The following RAB11FIP3 variants were observed in gnomAD, a reference collection of about 807,000 sequenced individuals.
RAB11FIP3 encodes RAB11 family interacting protein 3.
A neutral mutation model predicts 77.8 loss-of-function variants in RAB11FIP3; 17 were observed. The ratio of observed to expected loss-of-function variants is 0.22; its 90% CI spans 0.15 to 0.33. The LOEUF (loss-of-function observed/expected upper bound fraction) is 0.33. RAB11FIP3 is among the 10% of genes least tolerant of loss of function. The pLI is 1.00. For missense variants in RAB11FIP3, 1,005 were observed against 1,011.2 expected, an observed-to-expected ratio of 0.99 and a Z score of 0.08; for synonymous variants, 437 against 448.2, an observed-to-expected ratio of 0.98 and a Z score of 0.31.
rs2031865470 is a variant in RAB11FIP3, at chr16:506,161, A to G, written c.1499+534A>G. 1.3e-5 allele frequency among the ~76,000 whole-genome samples: 2 copies of G among 151,840 alleles called. No homozygotes were observed. The highest frequency in any genetic ancestry group is 4.2e-4 in the South Asian group (2 of 4,810). ...AGTGTGACGCCGTGTTTGCAGAGAA[A>G]GAGTGGGAGCTGCTTGCCTCACTCT... On this transcript the variant is annotated intron_variant, in intron 8 of 13. Coordinates refer to ENST00000262305, the MANE Select transcript of RAB11FIP3 (RefSeq NM_014700.4). This position sits in a 1 kb window ranked among gnomAD's most constrained non-coding sequence, Gnocchi z 4.5.
At chr16:479,337 A>G (rs1411637618) in intron 3 of RAB11FIP3, among the ~76,000 whole-genome samples, 1 of 152,006 alleles carries the variant, frequency 6.6e-6, no homozygotes, top group Non-Finnish European at 1.5e-5. Context: ...AGCTGCAGTG[A>G]GCCAAGACCG....
rs1338004049 is a variant in RAB11FIP3 at position 497,104 on chromosome 16, TTG to T, written c.1301+251_1301+252del. 3 of 556,580 alleles carry T rather than the reference TTG, an allele frequency of 5.4e-6. No individual in the cohort carries two copies. The African/African-American group carries it at 5.9e-5, about 11-fold the overall frequency. The allele number at this position is 556,580 out of a possible 1,614,324, so 34.5% of individuals were successfully genotyped here. A position where few individuals can be genotyped will look rare whatever the true frequency, so the allele number is the denominator to read the frequency against. ...GTCAGAGCTTTTGGTGCTGGGCCTC[TTG>T]TGTGTTCACTAAGGTCTGGAAGGGG... On this transcript the variant is annotated intron_variant, in intron 6 of 13. Coordinates refer to ENST00000262305, the MANE Select transcript of RAB11FIP3 (RefSeq NM_014700.4).
In RAB11FIP3 at chr16:514,581, T is replaced by G. The variant is rs192283086; in HGVS notation, c.1640+3781T>G. Among the ~76,000 whole-genome samples, 1 of 152,152 alleles carries G rather than the reference T, an allele frequency of 6.6e-6. No individual in the cohort carries two copies. The highest frequency in any genetic ancestry group is 1.9e-4 in the East Asian group (1 of 5,164). On this transcript the variant is annotated intron_variant, in intron 9 of 13. Coordinates refer to ENST00000262305, the MANE Select transcript of RAB11FIP3 (RefSeq NM_014700.4). The surrounding 1 kb of genome is among the most constrained non-coding windows in gnomAD (Gnocchi z 4.6). Reference sequence around the variant, plus strand: ...AGGCTGGAGCTTTGGACATCCTTGTTTAGGGACCGGGAAAGGAGAATATGT... The same window carrying G: ...AGGCTGGAGCTTTGGACATCCTTGTGTAGGGACCGGGAAAGGAGAATATGT...
chr16:514,903 G>T lies in RAB11FIP3; in HGVS notation c.1641-4040G>T, dbSNP rs1275015779. Among the ~76,000 whole-genome samples, 1 of 152,236 alleles carries T rather than the reference G, an allele frequency of 6.6e-6. No homozygotes were observed. The highest frequency in any genetic ancestry group is 1.5e-5 in the Non-Finnish European group (1 of 68,042). ...GCACAGAGTGAACTGGGTGAACGTGGCCCTGGTGTGTGGTGCTTTCTAGCA... is the reference window on the plus strand; with the variant it reads ...GCACAGAGTGAACTGGGTGAACGTGTCCCTGGTGTGTGGTGCTTTCTAGCA... On this transcript the variant is annotated intron_variant, in intron 9 of 13. Coordinates refer to ENST00000262305, the MANE Select transcript of RAB11FIP3 (RefSeq NM_014700.4). This position sits in a 1 kb window ranked among gnomAD's most constrained non-coding sequence, Gnocchi z 4.6.
chr16:518,007 G>A (rs553820314), intron 9 of RAB11FIP3, among the ~76,000 whole-genome samples: 23 of 152,236 alleles, frequency 1.5e-4, no homozygotes, highest in African/African-American at 4.6e-4. Flanking sequence ...GCGTGAACCC[G>A]GAAGGCGAAG....
chr16:495,537 C>G (rs758295856), intron 5 of RAB11FIP3, among the ~76,000 whole-genome samples: 28 of 152,160 alleles, frequency 1.8e-4, no homozygotes, highest in Non-Finnish European at 3.2e-4. Flanking sequence ...CTGCAGGTGT[C>G]GGAGGGCCCT....
rs2055602737 is a variant in RAB11FIP3 at position 461,401 on chromosome 16, C to T, written c.715-3C>T. On this transcript the variant is annotated splice_region_variant and splice_polypyrimidine_tract_variant and intron_variant, in intron 1 of 13. Coordinates refer to ENST00000262305, the MANE Select transcript of RAB11FIP3 (RefSeq NM_014700.4). This position sits in a 1 kb window ranked among gnomAD's most constrained non-coding sequence, Gnocchi z 4.5. ...GTAACCTAGTCTCATTTGGCAATTA[C>T]AGGTGAAGGACTTAACTAAGTACTT... is the stretch of plus-strand genomic sequence containing the variant. 6.2e-7 allele frequency: 1 copy of T among 1,612,582 alleles called. No homozygotes were observed. The highest frequency in any genetic ancestry group is 1.1e-5 in the South Asian group (1 of 90,904).
At chr16:494,217 C>A (rs1395073595) in intron 5 of RAB11FIP3, among the ~76,000 whole-genome samples, 1 of 150,894 alleles carries the variant, frequency 6.6e-6, no homozygotes, top group African/African-American at 2.4e-5. Flanking sequence ...AATTATAAAT[C>A]CTGTTGCTGG....
rs542767839 is a variant in RAB11FIP3, at chr16:482,473, G to A, written c.904-52G>A. Reference sequence around the variant, plus strand: ...TGCAGCAGTGAGGTGTGGGGCGTTCGCAGTTCCCCTCCCAGCTTGTGCCCG... The same window carrying A: ...TGCAGCAGTGAGGTGTGGGGCGTTCACAGTTCCCCTCCCAGCTTGTGCCCG... On this transcript the variant is annotated intron_variant, in intron 3 of 13. Coordinates refer to ENST00000262305, the MANE Select transcript of RAB11FIP3 (RefSeq NM_014700.4). 71 of 1,560,122 alleles carry A rather than the reference G, an allele frequency of 4.6e-5. No homozygotes were observed. In the East Asian group the frequency reaches 1.3e-3, roughly 29 times the overall value.
intron 1 of RAB11FIP3, among the ~76,000 whole-genome samples, chr16:427,058 G>C (rs866902034): frequency 3.9e-4 from 59 of 151,958 alleles, no homozygotes; most frequent in African/African-American, 1.4e-3. Flanking sequence ...GTGCCTGATC[G>C]ACGTGCCCCT....
Position 521,866 on chromosome 16 carries a change from G to A in RAB11FIP3, c.*1027G>A, listed in dbSNP as rs1026235621. ...GAGGGTGCATGTTGCAGGAGGGAGA[G>A]GGCAGGGAAGACTCACAGCAGAGCA... On this transcript the variant is annotated 3_prime_UTR_variant, in exon 14 of 14. Transcript: ENST00000262305. The A allele has an allele frequency of 2.6e-5, 4 of 152,270 alleles. No individual in the cohort carries two copies. Among genetic ancestry groups the A allele is most frequent in the African/African-American group, 9.7e-5 (4 of 41,428 alleles). The allele number at this position is 152,270 out of a possible 1,614,324, so 9.4% of individuals were successfully genotyped here.
chr16:495,188 A>T (rs2031008386), intron 5 of RAB11FIP3, among the ~76,000 whole-genome samples: 1 of 152,240 alleles, frequency 6.6e-6, no homozygotes, highest in African/African-American at 2.4e-5. Flanking sequence ...AGGCTATGGG[A>T]GTAATGAGGC....
At chr16:491,160 A>G (rs1244309441) in intron 5 of RAB11FIP3, 2 of 1,303,590 alleles carry the variant, frequency 1.5e-6, no homozygotes, top group Non-Finnish European at 2.0e-6. Context: ...GCAAAGCTGC[A>G]CAGCATCCTC....
chr16:431,627 A>G (rs180954707), intron 1 of RAB11FIP3, among the ~76,000 whole-genome samples: 2 of 152,150 alleles, frequency 1.3e-5, no homozygotes, highest in East Asian at 1.9e-4. Flanking sequence ...CACCTGCCTC[A>G]GCCTCCCAAA....
In RAB11FIP3 at chr16:430,514, A is replaced by G. The variant is rs367906953; in HGVS notation, c.714+3794A>G. 1.3e-4 allele frequency among the ~76,000 whole-genome samples: 20 copies of G among 152,176 alleles called. 1 individual carries two copies. The East Asian group carries it at 3.9e-3, about 29-fold the overall frequency. On this transcript the variant is annotated intron_variant, in intron 1 of 13. Transcript: ENST00000262305. ...ACGTTTTTTTATTCCTGCACCGCTA[A>G]TGGTGGCAGTAGGAAGTTCCTAGGG...
rs2032703119 is a variant in RAB11FIP3, at chr16:521,789, G to C, written c.*950G>C. On this transcript the variant is annotated 3_prime_UTR_variant, in exon 14 of 14. Coordinates refer to ENST00000262305, the MANE Select transcript of RAB11FIP3 (RefSeq NM_014700.4). The stretch of plus-strand genomic sequence containing the variant: ...TCCCAGGCCAGAATCCAAACATCGG[G>C]AACCCTGTTTTCTTCTGGGTGTGTC... The C allele has an allele frequency of 6.6e-6, 1 of 152,296 alleles. No homozygotes were observed. Among genetic ancestry groups the C allele is most frequent in the African/African-American group, 2.4e-5 (1 of 41,460 alleles). 9.4% of individuals were successfully genotyped at this position (152,296 alleles called of 1,614,324 possible).
intron 4 of RAB11FIP3, among the ~76,000 whole-genome samples, chr16:484,123 C>G (rs1219137979): frequency 6.6e-6 from 1 of 152,138 alleles, no homozygotes; most frequent in Admixed American, 6.6e-5. Context: ...CATAATATAC[C>G]CACAAGTAAG....
rs2055824789 is a variant in RAB11FIP3, at chr16:472,348, T to G, written c.903+959T>G. 6.6e-6 allele frequency among the ~76,000 whole-genome samples: 1 copy of G among 152,228 alleles called. No individual in the cohort carries two copies. The highest frequency in any genetic ancestry group is 1.5e-5 in the Non-Finnish European group (1 of 68,026). ...GCGGTGTCCCAGTTATCAGCTGGGCTGCAGCTTCTGGGGCCAGGGCGCCCA... is the reference window on the plus strand; with the variant it reads ...GCGGTGTCCCAGTTATCAGCTGGGCGGCAGCTTCTGGGGCCAGGGCGCCCA... On this transcript the variant is annotated intron_variant, in intron 3 of 13. Coordinates refer to ENST00000262305, the MANE Select transcript of RAB11FIP3 (RefSeq NM_014700.4). The surrounding 1 kb of genome is among the most constrained non-coding windows in gnomAD (Gnocchi z 4.1).
At chr16:427,092 C>T (rs973339170) in intron 1 of RAB11FIP3, among the ~76,000 whole-genome samples, 11 of 152,128 alleles carry the variant, frequency 7.2e-5, no homozygotes, top group Non-Finnish European at 4.4e-5. Context: ...CCCCGCGATT[C>T]CCCCACCCGA....
Sources: allele counts gnomAD v4.1 joint callset (sites outside exome capture counted in the v4.1 genomes callset), GRCh38; gene constraint gnomAD v4.1.1; non-coding constraint Gnocchi (gnomAD v3.1); transcripts MANE v1.5; gene names NCBI Gene and HGNC (gene_info 2026-07-23, HGNC 2026-07-21).